The following CACNB4 variants were observed in gnomAD, a reference collection of about 807,000 sequenced individuals.
The protein encoded by CACNB4 is voltage-dependent L-type calcium channel subunit beta-4.
In CACNB4, 32 loss-of-function variants were observed where a neutral mutation model predicts 71.2. The ratio of observed to expected loss-of-function variants is 0.45; its 90% CI spans 0.34 to 0.60. CACNB4 has a LOEUF of 0.60. Ranked by LOEUF, CACNB4 falls within the 20% of genes least tolerant of loss-of-function variation. CACNB4 has a pLI of 0.01. For synonymous variants in CACNB4, 231 were observed against 236.9 expected, an observed-to-expected ratio of 0.97 and a Z score of 0.23; for missense variants, 464 against 647.9, an observed-to-expected ratio of 0.72 and a Z score of 3.08.
chr2:152,033,649 G>A (rs1242363269), intron 2 of CACNB4, among the ~76,000 whole-genome samples: 1 of 152,110 alleles, frequency 6.6e-6, no homozygotes. Flanking sequence ...CTCAAAGGAC[G>A]TAGGAGCCAA....
chr2:152,012,329 C>T (rs1029870052), intron 2 of CACNB4, among the ~76,000 whole-genome samples: 3 of 152,066 alleles, frequency 2.0e-5, no homozygotes, highest in African/African-American at 7.2e-5. Flanking sequence ...AATTAAAAGG[C>T]GTGGTGGCTC....
intron 2 of CACNB4, among the ~76,000 whole-genome samples, chr2:152,057,036 C>T (rs1261235776): frequency 3.9e-5 from 6 of 152,200 alleles, no homozygotes; most frequent in South Asian, 2.1e-4. Flanking sequence ...CAACAGAATA[C>T]GGCAACATTG....
At chr2:151,880,948 AAT>A in intron 3 of CACNB4, 26 bp from the exon 4 acceptor site, 1 of 1,581,010 alleles carries the variant, frequency 6.3e-7, no homozygotes, top group South Asian at 1.2e-5. Context: ...TGGAATAAGG[AAT>A]GAGGAAGGGA....
intron 2 of CACNB4, among the ~76,000 whole-genome samples, chr2:152,088,140 AACACACACAC>A: frequency 7.3e-6 from 1 of 137,030 alleles, no homozygotes; most frequent in South Asian, 2.4e-4. Flanking sequence ...TTCCCCACTT[AACACACACAC>A]ACACACACAC....
At chr2:151,953,226 A>C (rs934043735) in intron 2 of CACNB4, among the ~76,000 whole-genome samples, 1 of 152,226 alleles carries the variant, frequency 6.6e-6, no homozygotes, top group Non-Finnish European at 1.5e-5. Flanking sequence ...GCCAGTGCAA[A>C]GGAAGCTCCC....
At chr2:152,015,623 G>C (rs1205467452) in intron 2 of CACNB4, among the ~76,000 whole-genome samples, 1 of 152,190 alleles carries the variant, frequency 6.6e-6, no homozygotes, top group African/African-American at 2.4e-5. Flanking sequence ...ACTTCTGGAT[G>C]GAAGATTTAA....
Position 151,973,596 on chromosome 2 carries a change from C to CA in CACNB4, c.148-90227_148-90226insT, listed in dbSNP as rs1553800272. 5.0e-5 allele frequency: 68 copies of CA among 1,356,170 alleles called. 1 individual carries two copies. The African/African-American group carries it at 7.4e-4, about 15-fold the overall frequency. 84.0% of individuals were successfully genotyped at this position (1,356,170 alleles called of 1,614,324 possible). ...CCTGCGTTGCCTAAGAAATAAGAAGCGGGGGGGTGGAGGGGATAGTGGGAG... is the reference window on the plus strand; with the variant it reads ...CCTGCGTTGCCTAAGAAATAAGAAGCAGGGGGGGTGGAGGGGATAGTGGGAG... On this transcript the variant is annotated intron_variant, in intron 2 of 13. Transcript: ENST00000539935.
At chr2:151,856,726 T>G (rs2099840415) in intron 10 of CACNB4, 1 of 152,124 alleles carries the variant, frequency 6.6e-6, no homozygotes, top group Non-Finnish European at 1.5e-5. Flanking sequence ...TATTATTAAT[T>G]TTTAGAGACA....
At chr2:152,077,143 G>A (rs751627445) in intron 2 of CACNB4, among the ~76,000 whole-genome samples, 21 of 152,188 alleles carry the variant, frequency 1.4e-4, no homozygotes, top group Non-Finnish European at 2.8e-4. Context: ...ATAAAGAGCC[G>A]AGCACAGTGG....
chr2:151,967,597 A>G (rs1039869685), intron 2 of CACNB4: 2 of 152,170 alleles, frequency 1.3e-5, no homozygotes, highest in Non-Finnish European at 2.9e-5. Flanking sequence ...TCTTTTTCCT[A>G]TATGATGCTC....
intron 2 of CACNB4, among the ~76,000 whole-genome samples, chr2:151,998,420 CCA>C (rs985698376): frequency 1.3e-5 from 2 of 151,866 alleles, no homozygotes; most frequent in Non-Finnish European, 2.9e-5. Flanking sequence ...GTAGCAAAAC[CCA>C]GTTTTGGTTC....
chr2:152,050,860 G>A (rs1055235440), intron 2 of CACNB4, among the ~76,000 whole-genome samples: 2 of 151,948 alleles, frequency 1.3e-5, no homozygotes, highest in African/African-American at 4.8e-5. Context: ...CCTCGATCTC[G>A]ATCTACCGGG....
At chr2:152,063,356 T>A (rs563572282) in intron 2 of CACNB4, among the ~76,000 whole-genome samples, 1 of 152,342 alleles carries the variant, frequency 6.6e-6, no homozygotes, top group East Asian at 1.9e-4. Context: ...TTATTTTACA[T>A]CTATTCATTT....
At chr2:151,987,325 G>A (rs1055894675) in intron 2 of CACNB4, among the ~76,000 whole-genome samples, 1 of 152,066 alleles carries the variant, frequency 6.6e-6, no homozygotes. Flanking sequence ...GTAGCTCAGT[G>A]GGGGGCAGCA....
At chr2:151,960,526 G>A (rs190312275) in intron 2 of CACNB4, among the ~76,000 whole-genome samples, 31 of 152,284 alleles carry the variant, frequency 2.0e-4, no homozygotes, top group South Asian at 1.7e-3. Flanking sequence ...CCACCATTGC[G>A]ATCGGTCCCA....
At chr2:151,975,129 G>A (rs975626146) in intron 2 of CACNB4, among the ~76,000 whole-genome samples, 6 of 152,176 alleles carry the variant, frequency 3.9e-5, no homozygotes, top group African/African-American at 9.7e-5. Flanking sequence ...AATCTAAAGT[G>A]CAACATAAAC....
At chr2:151,991,912 A>T (rs528921582) in intron 2 of CACNB4, among the ~76,000 whole-genome samples, 1 of 152,210 alleles carries the variant, frequency 6.6e-6, no homozygotes, top group Admixed American at 6.5e-5. Flanking sequence ...AAAAGAGCGA[A>T]TCCAGGAAGG....
chr2:152,013,580 AGGGGATACGCAGGG>A (rs1215138081), intron 2 of CACNB4, among the ~76,000 whole-genome samples: 1 of 152,094 alleles, frequency 6.6e-6, no homozygotes, highest in Admixed American at 6.5e-5. Flanking sequence ...GGCTCTGCAG[AGGGGATACGCAGGG>A]GGCCAAATTG....
At chr2:152,056,091 G>A (rs1472623856) in intron 2 of CACNB4, among the ~76,000 whole-genome samples, 2 of 152,084 alleles carry the variant, frequency 1.3e-5, no homozygotes, top group Admixed American at 6.6e-5. Context: ...GGCTGGGCAC[G>A]GTGGCTCACC....
Sources: gnomAD v4.1 joint callset for allele counts (sites outside exome capture counted in the v4.1 genomes callset) on GRCh38, gnomAD v4.1.1 for gene constraint, MANE v1.5 for transcripts, NCBI Gene and HGNC (gene_info 2026-07-23, HGNC 2026-07-21) for gene names.